The following DLC1 variants were observed in gnomAD, a reference collection of about 807,000 sequenced individuals.
DLC1 encodes DLC1 Rho GTPase activating protein.
Under a neutral mutation model 140.3 loss-of-function variants are expected in DLC1, and 54 were observed. That is an observed-to-expected ratio of 0.38 (90% CI 0.31 to 0.48). The LOEUF is 0.48. DLC1 is among the 20% of genes least tolerant of loss of function. The pLI is 0.96. For missense variants in DLC1, 2,536 were observed against 1,907.0 expected (o/e 1.33, Z -6.14); for synonymous variants, 986 against 728.1 (o/e 1.35, Z -5.70).
intron 2 of DLC1, among the ~76,000 whole-genome samples, chr8:13,458,168 TTTAAC>T (rs1478128542): frequency 6.6e-6 from 1 of 152,180 alleles, no homozygotes; most frequent in African/African-American, 2.4e-5. Context: ...ATACATGAAC[TTTAAC>T]AGACAAATTA....
In DLC1 at chr8:13,499,597, C is replaced by G. The variant is rs1201719608; in HGVS notation, c.475G>C (p.Val159Leu). The G allele has an allele frequency of 1.2e-6, 2 of 1,614,136 alleles. No homozygotes were observed. Among genetic ancestry groups the G allele is most frequent in the African/African-American group, 1.3e-5 (1 of 75,036 alleles). Reference sequence around the variant, plus strand: ...GCTATTCCCCAGGAGTTAGAAGAAACTTGGTTACTTTGTATGATGGGCAGT... The same window carrying G: ...GCTATTCCCCAGGAGTTAGAAGAAAGTTGGTTACTTTGTATGATGGGCAGT... ...KALPIIQSNQVSSNSWGIAGE... is the reference protein window; with the variant it reads ...KALPIIQSNQLSSNSWGIAGE... The change falls in exon 2 of 18, where the codon GTT becomes CTT. Residue 159 changes from valine (V) to leucine (L), a missense_variant. Val to Leu is a conservative substitution (Grantham distance 32, BLOSUM62 1). Transcript: ENST00000276297.
rs764640253 is a variant in DLC1 at position 13,092,674 on chromosome 8, G to A, written c.3678C>T (p.Ala1226=). Residue 1226 remains alanine, a synonymous_variant, in exon 13 of 18, where the codon GCC becomes GCT. Coordinates refer to ENST00000276297, the MANE Select transcript of DLC1 (RefSeq NM_182643.3). ...KENQMTPTNL[A]VCLAPSLFHL... is the part of the protein sequence containing the mutation. ...GGAAGAGGGAAGGCGCTAAGCACACGGCCAGGTTGGTTGGGGTCATCTGGT... is the reference window on the plus strand; with the variant it reads ...GGAAGAGGGAAGGCGCTAAGCACACAGCCAGGTTGGTTGGGGTCATCTGGT... 50 of 1,614,152 alleles carry A rather than the reference G, an allele frequency of 3.1e-5. No individual in the cohort carries two copies. The Middle Eastern group carries it at 4.9e-4, about 16-fold the overall frequency.
chr8:13,552,811 T>C (rs999083818), intron 1 of DLC1, among the ~76,000 whole-genome samples: 9 of 151,938 alleles, frequency 5.9e-5, no homozygotes, highest in Non-Finnish European at 8.8e-5. Context: ...TATTCTCTTA[T>C]TAAAAGAAAG....
At chr8:13,459,110 C>G (rs1360020480) in intron 2 of DLC1, among the ~76,000 whole-genome samples, 1 of 152,188 alleles carries the variant, frequency 6.6e-6, no homozygotes, top group African/African-American at 2.4e-5. Flanking sequence ...GTTTGATTTT[C>G]TAAAAGCAGC....
chr8:13,268,400 C>T (rs970271364), intron 5 of DLC1, among the ~76,000 whole-genome samples: 3 of 152,052 alleles, frequency 2.0e-5, no homozygotes, highest in East Asian at 3.9e-4. Context: ...CTGCAAGCTC[C>T]GCCTCCCAGG....
chr8:13,221,254 C>T (rs1003650789), intron 5 of DLC1, among the ~76,000 whole-genome samples: 1 of 152,080 alleles, frequency 6.6e-6, no homozygotes, highest in East Asian at 1.9e-4. Context: ...GACAGCACAC[C>T]CAAATAGAGA....
intron 5 of DLC1, among the ~76,000 whole-genome samples, chr8:13,149,315 T>C (rs545156519): frequency 6.6e-6 from 1 of 152,328 alleles, no homozygotes; most frequent in African/African-American, 2.4e-5. Flanking sequence ...TTCTCTGAAA[T>C]TTTAAAACGG....
At chr8:13,451,407 A>G (rs538347771) in intron 2 of DLC1, among the ~76,000 whole-genome samples, 3 of 152,258 alleles carry the variant, frequency 2.0e-5, no homozygotes, top group African/African-American at 7.2e-5. Context: ...TTTAAAATGT[A>G]CAATTAAATT....
At chr8:13,123,301 C>T (rs1821261314) in intron 5 of DLC1, among the ~76,000 whole-genome samples, 1 of 152,034 alleles carries the variant, frequency 6.6e-6, no homozygotes, top group Non-Finnish European at 1.5e-5. Context: ...CCGGCCTCCT[C>T]TCATGCCCTG....
chr8:13,533,245 GT>G (rs5889449), intron 1 of DLC1, among the ~76,000 whole-genome samples: 131,084 of 151,466 alleles, frequency 0.87, 57,665 homozygotes, highest in Non-Finnish European at 0.95. Flanking sequence ...AATAATCGTT[GT>G]TTTTTTTTGT....
chr8:13,301,246 G>A (rs1312665353), intron 5 of DLC1, among the ~76,000 whole-genome samples: 1 of 151,876 alleles, frequency 6.6e-6, no homozygotes, highest in Non-Finnish European at 1.5e-5. Context: ...ATCTCTAAAG[G>A]GAGGTTAAAA....
In DLC1 at chr8:13,184,022, C is replaced by A. The variant is rs548423888; in HGVS notation, c.1349-68365G>T. Among the ~76,000 whole-genome samples, 3 of 152,318 alleles carry A rather than the reference C, an allele frequency of 2.0e-5. No homozygotes were observed. The South Asian group carries it at 6.2e-4, about 32-fold the overall frequency. On this transcript the variant is annotated intron_variant, in intron 5 of 17. Coordinates refer to ENST00000276297, the MANE Select transcript of DLC1 (RefSeq NM_182643.3). Reference sequence around the variant, plus strand: ...GTTATTGGTCTATTGAGAGATTCAACTTCTTCCCAGTTTAGTCTTTGGAGG... The same window carrying A: ...GTTATTGGTCTATTGAGAGATTCAAATTCTTCCCAGTTTAGTCTTTGGAGG...
At chr8:13,224,519 G>C (rs1402743502) in intron 5 of DLC1, among the ~76,000 whole-genome samples, 1 of 152,170 alleles carries the variant, frequency 6.6e-6, no homozygotes, top group African/African-American at 2.4e-5. Context: ...TTAGACAAAG[G>C]CACAGGTCTT....
chr8:13,372,076 A>G (rs1413863174), intron 4 of DLC1, among the ~76,000 whole-genome samples: 3 of 151,986 alleles, frequency 2.0e-5, no homozygotes, highest in Non-Finnish European at 4.4e-5. Flanking sequence ...GCAAATTGAG[A>G]TTTTGCTTAT....
At chr8:13,387,180 C>G (rs1439126628) in intron 4 of DLC1, among the ~76,000 whole-genome samples, 1 of 151,944 alleles carries the variant, frequency 6.6e-6, no homozygotes, top group Admixed American at 6.6e-5. Flanking sequence ...ACATATGTGA[C>G]ATAAAATACT....
chr8:13,103,009 G>A (rs1164189464), intron 7 of DLC1, among the ~76,000 whole-genome samples, 156 bp from the exon 8 acceptor site: 1 of 152,138 alleles, frequency 6.6e-6, no homozygotes, highest in Non-Finnish European at 1.5e-5. Flanking sequence ...TTTAAAAAGT[G>A]AGTCATTTAA....
rs193101277 is a variant in DLC1, at chr8:13,161,548, G to A, written c.1349-45891C>T. Reference sequence around the variant, plus strand: ...TTGAGACAGGTCTTGCTTTGTTGCCGCTGGTCTTGAATTCTTGGCCTCAAA... The same window carrying A: ...TTGAGACAGGTCTTGCTTTGTTGCCACTGGTCTTGAATTCTTGGCCTCAAA... On this transcript the variant is annotated intron_variant, in intron 5 of 17. Transcript: ENST00000276297. 4.2e-3 allele frequency among the ~76,000 whole-genome samples: 640 copies of A among 152,162 alleles called. 7 individuals are homozygous for A. Among genetic ancestry groups the A allele is most frequent in the African/African-American group, 0.012 (495 of 41,514 alleles).
chr8:13,110,904 T>G, intron 6 of DLC1, 81 bp from the exon 7 acceptor site: 2 of 1,291,026 alleles, frequency 1.5e-6, no homozygotes, highest in Non-Finnish European at 2.2e-6. Context: ...AAAGCAGGGA[T>G]AAAACTCTTC....
chr8:13,470,056 C>A (rs1480716006), intron 2 of DLC1, among the ~76,000 whole-genome samples: 1 of 152,090 alleles, frequency 6.6e-6, no homozygotes, highest in African/African-American at 2.4e-5. Flanking sequence ...TGTGCTCAGC[C>A]ACCCATTCAA....
Sources: allele counts gnomAD v4.1 joint callset (sites outside exome capture counted in the v4.1 genomes callset), GRCh38; gene constraint gnomAD v4.1.1; transcripts MANE v1.5; gene names NCBI Gene and HGNC (gene_info 2026-07-23, HGNC 2026-07-21).